The following SORCS3 variants were observed in gnomAD, a reference collection of about 807,000 sequenced individuals.
SORCS3 encodes sortilin related VPS10 domain containing receptor 3.
Under a neutral mutation model 146.3 loss-of-function variants are expected in SORCS3, and 57 were observed. The observed-to-expected ratio is 0.39, with a 90% confidence interval of 0.31 to 0.49. The LOEUF is 0.49. SORCS3 is among the 20% of genes least tolerant of loss of function. The pLI is 0.92. For synonymous variants in SORCS3, 653 were observed against 618.5 expected (o/e 1.06, Z -0.83); for missense variants, 1,341 against 1,575.5 (o/e 0.85, Z 2.52).
intron 1 of SORCS3, among the ~76,000 whole-genome samples, chr10:104,833,309 T>C (rs2018022371): frequency 6.6e-6 from 1 of 152,228 alleles, no homozygotes; most frequent in South Asian, 2.1e-4. Flanking sequence ...CCTGCCACCA[T>C]GCACGATGTT....
intron 1 of SORCS3, among the ~76,000 whole-genome samples, chr10:104,827,656 G>T (rs2017953418): frequency 6.6e-6 from 1 of 152,118 alleles, no homozygotes; most frequent in African/African-American, 2.4e-5. Flanking sequence ...TAGCCTAGAT[G>T]AGTTATCCTG....
intron 7 of SORCS3, among the ~76,000 whole-genome samples, chr10:105,125,901 A>T (rs987271004): frequency 1.3e-5 from 2 of 152,092 alleles, no homozygotes; most frequent in African/African-American, 2.4e-5. Context: ...CACTTAAATG[A>T]TTGTCCCAAA....
At chr10:105,186,758 C>T (rs1188224871) in intron 14 of SORCS3, among the ~76,000 whole-genome samples, 1 of 151,838 alleles carries the variant, frequency 6.6e-6, no homozygotes, top group Non-Finnish European at 1.5e-5. Context: ...GTGGTGGGCA[C>T]TTGTAATCTC....
rs1184398764 is a variant in SORCS3 at position 105,182,467 on chromosome 10, A to C, written c.2009+4294A>C. On this transcript the variant is annotated intron_variant, in intron 14 of 26. Transcript: ENST00000369701. ...TAAAGGAAGGTACTATAATTCTCTA[A>C]GGTTTGTTCCATCAAGGAGTACCAA... is the stretch of plus-strand genomic sequence containing the variant. Among the ~76,000 whole-genome samples, 5 of 152,106 alleles carry C rather than the reference A, an allele frequency of 3.3e-5. No individual in the cohort carries two copies. The East Asian group carries it at 9.7e-4, about 29-fold the overall frequency.
chr10:104,979,067 G>A (rs1427903702), intron 4 of SORCS3, among the ~76,000 whole-genome samples: 1 of 152,100 alleles, frequency 6.6e-6, no homozygotes, highest in African/African-American at 2.4e-5. Flanking sequence ...GACACCTTCC[G>A]TAAACTCCCT....
chr10:105,219,543 C>A (rs1808102592), intron 19 of SORCS3, among the ~76,000 whole-genome samples: 1 of 152,162 alleles, frequency 6.6e-6, no homozygotes, highest in Non-Finnish European at 1.5e-5. Context: ...CTGGATGTTC[C>A]CAGATACCAG....
intron 9 of SORCS3, among the ~76,000 whole-genome samples, chr10:105,152,658 G>A (rs1314264676): frequency 6.6e-6 from 1 of 152,130 alleles, no homozygotes; most frequent in Admixed American, 6.6e-5. Flanking sequence ...AAATTTCTAT[G>A]GGTTAAAATG....
intron 7 of SORCS3, among the ~76,000 whole-genome samples, chr10:105,115,656 A>T (rs1326997646): frequency 1.3e-5 from 2 of 152,132 alleles, no homozygotes; most frequent in Non-Finnish European, 2.9e-5. Context: ...GCTCACCTGG[A>T]TTTTGGTACT....
chr10:104,898,832 T>TC (rs1348862475), intron 2 of SORCS3, among the ~76,000 whole-genome samples: 2 of 152,026 alleles, frequency 1.3e-5, no homozygotes. Flanking sequence ...CCCCTATTTT[T>TC]CCCCCCATCA....
At chr10:104,716,231 A>G (rs2016477222) in intron 1 of SORCS3, among the ~76,000 whole-genome samples, 1 of 152,186 alleles carries the variant, frequency 6.6e-6, no homozygotes, top group African/African-American at 2.4e-5. Flanking sequence ...TTCCCAAACT[A>G]GAATATAAGA....
intron 5 of SORCS3, among the ~76,000 whole-genome samples, chr10:105,084,345 C>T (rs56409224): frequency 0.028 from 4,270 of 152,258 alleles, 86 homozygotes; most frequent in South Asian, 0.065. Flanking sequence ...GCATTTATTA[C>T]CATTATTATA....
At chr10:104,908,863 A>C (rs7084394) in intron 2 of SORCS3, among the ~76,000 whole-genome samples, 4,986 of 152,284 alleles carry the variant, frequency 0.033, 236 homozygotes, top group African/African-American at 0.11. Flanking sequence ...CATTGGAGGC[A>C]ATGGTAAAGC....
intron 5 of SORCS3, among the ~76,000 whole-genome samples, chr10:105,049,163 A>G (rs74155101): frequency 0.015 from 2,239 of 152,192 alleles, 51 homozygotes; most frequent in African/African-American, 0.051. Flanking sequence ...ATTCAACACT[A>G]AAAGTATTTC....
At chr10:105,081,238 T>A (rs1300926993) in intron 5 of SORCS3, among the ~76,000 whole-genome samples, 2 of 152,198 alleles carry the variant, frequency 1.3e-5, no homozygotes, top group African/African-American at 2.4e-5. Context: ...TACCCCAATA[T>A]TCAGTGTTTT....
At chr10:104,716,374 G>A (rs1261194249) in intron 1 of SORCS3, among the ~76,000 whole-genome samples, 1 of 152,148 alleles carries the variant, frequency 6.6e-6, no homozygotes, top group Non-Finnish European at 1.5e-5. Context: ...ACTTTGTTGA[G>A]TGATGGGGTG....
rs538408046 is a variant in SORCS3 at position 104,749,280 on chromosome 10, C to T, written c.628-93512C>T. On this transcript the variant is annotated intron_variant, in intron 1 of 26. Coordinates refer to ENST00000369701, the MANE Select transcript of SORCS3 (RefSeq NM_014978.3). ...GTGTGTGTGTGTGTAATGGTTACAACGAAGCAATTTGAAGGATCTTGTCCT... is the reference window on the plus strand; with the variant it reads ...GTGTGTGTGTGTGTAATGGTTACAATGAAGCAATTTGAAGGATCTTGTCCT... Among the ~76,000 whole-genome samples, 33 of 147,470 alleles carry T rather than the reference C, an allele frequency of 2.2e-4. 1 individual carries two copies. The highest frequency in any genetic ancestry group is 3.8e-4 in the African/African-American group (15 of 39,918).
At chr10:105,250,393 AT>A (rs2056891835) in intron 22 of SORCS3, among the ~76,000 whole-genome samples, 1 of 152,200 alleles carries the variant, frequency 6.6e-6, no homozygotes, top group Non-Finnish European at 1.5e-5. Flanking sequence ...TTTTTAGGAA[AT>A]AACTTGTAAT....
chr10:104,763,898 C>T (rs2017150777), intron 1 of SORCS3, among the ~76,000 whole-genome samples: 1 of 152,098 alleles, frequency 6.6e-6, no homozygotes, highest in African/African-American at 2.4e-5. Context: ...ATTCTCTCTC[C>T]TGCCACCTCG....
intron 1 of SORCS3, among the ~76,000 whole-genome samples, chr10:104,737,641 G>A (rs1564671947): frequency 6.6e-6 from 1 of 152,134 alleles, no homozygotes; most frequent in Non-Finnish European, 1.5e-5. Context: ...CTTTTTTCTT[G>A]TAAATTTGAG....
Sources: gnomAD v4.1 joint callset for allele counts (sites outside exome capture counted in the v4.1 genomes callset) on GRCh38, gnomAD v4.1.1 for gene constraint, MANE v1.5 for transcripts, NCBI Gene and HGNC (gene_info 2026-07-23, HGNC 2026-07-21) for gene names.